The following SCAI variants were observed in gnomAD, a reference collection of about 807,000 sequenced individuals.
SCAI encodes the protein suppressor of cancer cell invasion.
SCAI carries 24 observed loss-of-function variants against 92.2 expected under a neutral mutation model. That is an observed-to-expected ratio of 0.26 (90% CI 0.19 to 0.37). The LOEUF is 0.37. Ranked by LOEUF, SCAI falls within the 10% of genes least tolerant of loss-of-function variation. SCAI has a pLI of 1.00. For missense variants in SCAI, 450 were observed against 736.2 expected, an observed-to-expected ratio of 0.61 and a Z score of 4.50; for synonymous variants, 261 against 258.6, an observed-to-expected ratio of 1.01 and a Z score of -0.09.
At chr9:125,143,252 T>C in intron 1 of SCAI, 133 bp downstream of exon 1, 2 of 299,940 alleles carry the variant, frequency 6.7e-6, no homozygotes, top group Non-Finnish European at 1.0e-5. Context: ...GCCCCCAAGG[T>C]CCCCCCAGCC....
chr9:125,128,239 C>T (rs1362342620), intron 2 of SCAI, among the ~76,000 whole-genome samples: 2 of 152,156 alleles, frequency 1.3e-5, no homozygotes, highest in Non-Finnish European at 2.9e-5. Context: ...ACTGCTTGAG[C>T]CCAGGCGTTC....
chr9:125,096,772 T>G (rs902902034), intron 2 of SCAI, among the ~76,000 whole-genome samples: 3 of 152,232 alleles, frequency 2.0e-5, no homozygotes, highest in Non-Finnish European at 4.4e-5. Flanking sequence ...ACTCAATAAC[T>G]GTACACCTTT....
At position 125,019,128 on chromosome 9, in the gene SCAI, T is replaced by C. The variant is rs1451822538; in HGVS notation, c.687A>G (p.Gln229=). The C allele has an allele frequency of 9.4e-6, 15 of 1,603,742 alleles. No homozygotes were observed. Among genetic ancestry groups the C allele is most frequent in the African/African-American group, 1.3e-5 (1 of 74,322 alleles). ...EDQVEWNLVL[Q]EVAAFIEADP... is the part of the protein sequence containing the mutation. ...TGACCTCAATGAAAGCTGCTACTTCTTGAAGCACCAAGTTCCATTCCACTT... is the reference window on the plus strand; with the variant it reads ...TGACCTCAATGAAAGCTGCTACTTCCTGAAGCACCAAGTTCCATTCCACTT... The change falls in exon 8 of 18, where the codon CAA becomes CAG. Residue 229 remains glutamine (Q), a synonymous_variant. Transcript: ENST00000336505.
At chr9:125,020,632 C>A in intron 7 of SCAI, 41 bp downstream of exon 7, 1 of 876,800 alleles carries the variant, frequency 1.1e-6, no homozygotes. Flanking sequence ...CATCCATATA[C>A]AACTAGAGAT....
intron 17 of SCAI, among the ~76,000 whole-genome samples, chr9:124,957,400 T>C (rs2131574044): frequency 6.6e-6 from 1 of 152,210 alleles, no homozygotes; most frequent in South Asian, 2.1e-4. Flanking sequence ...TCTCACTCTG[T>C]TGCCCAGGCT....
At chr9:125,085,785 C>A (rs1056722584) in intron 2 of SCAI, among the ~76,000 whole-genome samples, 4 of 152,136 alleles carry the variant, frequency 2.6e-5, no homozygotes, top group Non-Finnish European at 5.9e-5. Context: ...TATGATAATT[C>A]TTTGCTGCTG....
At chr9:125,049,940 T>C (rs568921996) in intron 3 of SCAI, among the ~76,000 whole-genome samples, 1 of 152,332 alleles carries the variant, frequency 6.6e-6, no homozygotes, top group African/African-American at 2.4e-5. Flanking sequence ...CATGGATGTA[T>C]TCAGTTTCTT....
chr9:124,957,326 T>C (rs566702987), intron 17 of SCAI, among the ~76,000 whole-genome samples: 66 of 152,196 alleles, frequency 4.3e-4, no homozygotes, highest in Admixed American at 1.4e-3. Flanking sequence ...CATTTCTATG[T>C]ATTAGCAACA....
intron 2 of SCAI, among the ~76,000 whole-genome samples, chr9:125,086,754 C>T (rs1377531948): frequency 2.0e-5 from 3 of 152,134 alleles, no homozygotes; most frequent in Non-Finnish European, 4.4e-5. Context: ...TGTCAAACAG[C>T]CTGCACTCAA....
intron 2 of SCAI, among the ~76,000 whole-genome samples, chr9:125,132,140 G>A (rs1380469404): frequency 3.4e-5 from 5 of 147,872 alleles, no homozygotes; most frequent in African/African-American, 1.3e-4. Context: ...TTGAGACAGC[G>A]TCATGCTCTG....
chr9:125,106,766 G>A (rs1834810370), intron 2 of SCAI, among the ~76,000 whole-genome samples: 1 of 137,684 alleles, frequency 7.3e-6, no homozygotes, highest in Admixed American at 7.9e-5. Context: ...TCACTGTGCA[G>A]AGTACAATCA....
chr9:125,035,424 T>C (rs552705523), intron 3 of SCAI, among the ~76,000 whole-genome samples: 1 of 151,982 alleles, frequency 6.6e-6, no homozygotes, highest in Admixed American at 6.6e-5. Flanking sequence ...CTAGTGGGAA[T>C]GAAAATTTAC....
At chr9:125,038,062 C>A (rs566852971) in intron 3 of SCAI, among the ~76,000 whole-genome samples, 1 of 152,242 alleles carries the variant, frequency 6.6e-6, no homozygotes, top group East Asian at 1.9e-4. Flanking sequence ...TCGAGACCAG[C>A]CTGGGCAACA....
At chr9:125,104,184 C>T (rs1010841737) in intron 2 of SCAI, among the ~76,000 whole-genome samples, 1 of 152,178 alleles carries the variant, frequency 6.6e-6, no homozygotes, top group African/African-American at 2.4e-5. Context: ...CACAAGAGAA[C>T]AGAATCATTC....
At chr9:125,034,837 T>C (rs545144131) in intron 3 of SCAI, among the ~76,000 whole-genome samples, 114 of 152,304 alleles carry the variant, frequency 7.5e-4, no homozygotes, top group Middle Eastern at 3.4e-3. Flanking sequence ...AGATATACAC[T>C]GGAACTACAG....
At chr9:124,994,287 G>A (rs749667181) in intron 14 of SCAI, among the ~76,000 whole-genome samples, 24 of 152,176 alleles carry the variant, frequency 1.6e-4, no homozygotes, top group African/African-American at 4.1e-4. Flanking sequence ...TGCCCGCCTC[G>A]GCCTCCCAAA....
At chr9:125,070,136 C>T (rs1213960686) in intron 2 of SCAI, among the ~76,000 whole-genome samples, 3 of 152,072 alleles carry the variant, frequency 2.0e-5, no homozygotes, top group South Asian at 2.1e-4. Context: ...GTTGCAAATA[C>T]ACTCCGAAAC....
At chr9:125,127,161 C>T (rs542955240) in intron 2 of SCAI, among the ~76,000 whole-genome samples, 96 of 152,268 alleles carry the variant, frequency 6.3e-4, no homozygotes, top group African/African-American at 2.3e-3. Context: ...ATGTGTTGTA[C>T]CAAGCAAAGC....
At chr9:125,016,219 CA>C (rs1314287489) in intron 9 of SCAI, among the ~76,000 whole-genome samples, 4,584 of 143,014 alleles carry the variant, frequency 0.032, 232 homozygotes, top group African/African-American at 0.1. Flanking sequence ...ATAATAAATA[CA>C]AAAAAAAAAT....
Sources: allele counts gnomAD v4.1 joint callset (sites outside exome capture counted in the v4.1 genomes callset), GRCh38; gene constraint gnomAD v4.1.1; transcripts MANE v1.5; gene names NCBI Gene and HGNC (gene_info 2026-07-23, HGNC 2026-07-21).